Variants in MAF observed in about 807,000 individuals in gnomAD.
MAF encodes the protein MAF bZIP transcription factor, also known as transcription factor Maf.
In MAF, 10 loss-of-function variants were observed where a neutral mutation model predicts 22.0. The ratio of observed to expected loss-of-function variants is 0.45; its 90% CI spans 0.28 to 0.77. MAF has a LOEUF of 0.77. Among genes scored for constraint, MAF ranks in the 30% least tolerant of loss-of-function variants. The probability of loss-of-function intolerance (pLI) is 0.12; values close to 1 mark genes in which losing one functional copy is unlikely to be tolerated. For synonymous variants in MAF, 337 were observed against 255.8 expected (o/e 1.32, Z -3.03); for missense variants, 544 against 548.4 (o/e 0.99, Z 0.08).
the MAF span, among the ~76,000 whole-genome samples, chr16:79,420,893 G>A: frequency 3.4e-4 from 51 of 152,230 alleles, no homozygotes; most frequent in African/African-American, 1.1e-3. Flanking sequence ...AATTATCCAG[G>A]CATGGGGGCA....
the MAF span, among the ~76,000 whole-genome samples, chr16:79,503,055 T>G: frequency 6.6e-6 from 1 of 152,062 alleles, no homozygotes; most frequent in East Asian, 1.9e-4. Context: ...GTAGTAGCAT[T>G]GCAGGAGAGC....
At chr16:79,340,924 C>G in the MAF span, among the ~76,000 whole-genome samples, 1 of 152,072 alleles carries the variant, frequency 6.6e-6, no homozygotes, top group Non-Finnish European at 1.5e-5. Flanking sequence ...TCGATAGAAA[C>G]AGGATAGCAA....
At chr16:79,417,915 TG>T in the MAF span, among the ~76,000 whole-genome samples, 2 of 152,110 alleles carry the variant, frequency 1.3e-5, no homozygotes, top group African/African-American at 4.8e-5. Flanking sequence ...TTCTTAGAAA[TG>T]ATAAATTGCA....
the MAF span, among the ~76,000 whole-genome samples, chr16:79,296,897 T>C: frequency 6.6e-6 from 1 of 152,226 alleles, no homozygotes; most frequent in Non-Finnish European, 1.5e-5. Context: ...CTCAATGCCC[T>C]GGTGGGTGGA....
the MAF span, among the ~76,000 whole-genome samples, chr16:79,348,536 G>C: frequency 6.6e-6 from 1 of 152,184 alleles, no homozygotes; most frequent in African/African-American, 2.4e-5. Flanking sequence ...ACTTTAGTGT[G>C]ATAAAAGGGG....
chr16:79,490,815 C>T, the MAF span, among the ~76,000 whole-genome samples: 1 of 152,160 alleles, frequency 6.6e-6, no homozygotes, highest in East Asian at 1.9e-4. Flanking sequence ...TCTGCTATTT[C>T]TAACTGTCCA....
downstream of MAF, among the ~76,000 whole-genome samples, chr16:79,583,383 G>C (rs190273839): frequency 2.6e-5 from 4 of 152,254 alleles, no homozygotes; most frequent in East Asian, 7.7e-4. Context: ...ATATCGATGG[G>C]TACTTAAGGC....
chr16:79,405,169 A>G, the MAF span, among the ~76,000 whole-genome samples: 1 of 152,226 alleles, frequency 6.6e-6, no homozygotes, highest in Non-Finnish European at 1.5e-5. Context: ...ACTCTGAGGG[A>G]TTTATCCTAG....
At chr16:79,209,946 C>G in the MAF span, among the ~76,000 whole-genome samples, 9 of 152,202 alleles carry the variant, frequency 5.9e-5, no homozygotes, top group African/African-American at 2.2e-4. Flanking sequence ...AAAGAAACAG[C>G]TGAATCCAGG....
the MAF span, among the ~76,000 whole-genome samples, chr16:79,345,801 G>A: frequency 1.4e-5 from 2 of 147,072 alleles, no homozygotes; most frequent in Non-Finnish European, 3.0e-5. Flanking sequence ...CATTTTAAGT[G>A]TATATCATAT....
chr16:79,358,664 G>A, the MAF span, among the ~76,000 whole-genome samples: 1 of 152,246 alleles, frequency 6.6e-6, no homozygotes, highest in Non-Finnish European at 1.5e-5. Flanking sequence ...GGGCTTTACA[G>A]ATACCTGACA....
At chr16:79,334,712 G>T in the MAF span, among the ~76,000 whole-genome samples, 1 of 152,152 alleles carries the variant, frequency 6.6e-6, no homozygotes, top group Non-Finnish European at 1.5e-5. Context: ...ATGAAGCTGG[G>T]CCTGGTTAAG....
the MAF span, among the ~76,000 whole-genome samples, chr16:79,325,811 C>G: frequency 6.6e-6 from 1 of 152,258 alleles, no homozygotes; most frequent in African/African-American, 2.4e-5. Flanking sequence ...CCAGAAAGAG[C>G]AGAACAAACA....
chr16:79,478,412 T>C, the MAF span, among the ~76,000 whole-genome samples: 1 of 152,134 alleles, frequency 6.6e-6, no homozygotes, highest in Non-Finnish European at 1.5e-5. Flanking sequence ...CCAGGCAGTT[T>C]GTTTCCAAAG....
At chr16:79,463,986 G>A in the MAF span, among the ~76,000 whole-genome samples, 7 of 150,820 alleles carry the variant, frequency 4.6e-5, no homozygotes, top group East Asian at 1.2e-3. Context: ...AAAAAAATAC[G>A]GACGATAAAA....
the MAF span, among the ~76,000 whole-genome samples, chr16:79,394,834 G>A: frequency 6.6e-6 from 1 of 152,166 alleles, no homozygotes; most frequent in Non-Finnish European, 1.5e-5. Flanking sequence ...GCTGAGTTTG[G>A]GAACCACTGT....
At chr16:79,337,311 C>A in the MAF span, among the ~76,000 whole-genome samples, 3 of 152,184 alleles carry the variant, frequency 2.0e-5, no homozygotes, top group African/African-American at 7.2e-5. Context: ...GTGGCTCACA[C>A]CTGTAATTCC....
chr16:79,514,783 T>G, the MAF span, among the ~76,000 whole-genome samples: 5 of 152,178 alleles, frequency 3.3e-5, no homozygotes, highest in South Asian at 4.1e-4. Flanking sequence ...CTGGCTGGAT[T>G]TAGCCAACGA....
At chr16:79,248,235 G>C in the MAF span, among the ~76,000 whole-genome samples, 6 of 151,564 alleles carry the variant, frequency 4.0e-5, no homozygotes, top group Non-Finnish European at 8.8e-5. Flanking sequence ...AGAGTTAAGA[G>C]AGCCACTTAG....
Sources: gnomAD v4.1 joint callset for allele counts (sites outside exome capture counted in the v4.1 genomes callset) on GRCh38, gnomAD v4.1.1 for gene constraint, MANE v1.5 for transcripts, NCBI Gene and HGNC (gene_info 2026-07-23, HGNC 2026-07-21) for gene names.